Variants in KLHL14 observed in about 807,000 individuals in gnomAD.
KLHL14 encodes the protein kelch like family member 14.
Under a neutral mutation model 64.3 loss-of-function variants are expected in KLHL14, and 22 were observed. The ratio of observed to expected loss-of-function variants is 0.34; its 90% confidence interval spans 0.24 to 0.49. The LOEUF (loss-of-function observed/expected upper bound fraction) is 0.49, where lower values mean the gene tolerates loss of function less well. Among genes scored for constraint, KLHL14 ranks in the 20% least tolerant of loss-of-function variants. The pLI, the probability that KLHL14 is intolerant of heterozygous loss-of-function variation, is 0.99. For missense variants in KLHL14, 661 were observed against 789.0 expected, an observed-to-expected ratio of 0.84 and a Z score of 1.94; for synonymous variants, 322 against 333.4, an observed-to-expected ratio of 0.97 and a Z score of 0.37.
At chr18:32,705,587 G>A (rs2049986261) in intron 3 of KLHL14, among the ~76,000 whole-genome samples, 1 of 152,152 alleles carries the variant, frequency 6.6e-6, no homozygotes, top group African/African-American at 2.4e-5. Flanking sequence ...GCTGGATGTG[G>A]TGGCTCATGC....
intron 3 of KLHL14, among the ~76,000 whole-genome samples, chr18:32,715,209 A>AGAT (rs544856581): frequency 6.6e-6 from 1 of 152,172 alleles, no homozygotes; most frequent in Non-Finnish European, 1.5e-5. Context: ...GACATAGCAG[A>AGAT]GATGTAATGA....
chr18:32,683,092 A>G lies in KLHL14; in HGVS notation c.1239-2493T>C, dbSNP rs963388827. On this transcript the variant is annotated intron_variant, in intron 5 of 8. Transcript: ENST00000359358. This position sits in a 1 kb window ranked among gnomAD's most constrained non-coding sequence, Gnocchi z 4.2. The stretch of plus-strand genomic sequence containing the variant: ...TAAGAGGAAGATCTCCCTTTGGTGA[A>G]CTCATTTTCTTGTCTAAAATTCAGT... Among the ~76,000 whole-genome samples, 3 of 151,954 alleles carry G rather than the reference A, an allele frequency of 2.0e-5. No homozygotes were observed.
intron 3 of KLHL14, among the ~76,000 whole-genome samples, chr18:32,713,190 C>T (rs1476587455): frequency 6.6e-6 from 1 of 152,148 alleles, no homozygotes; most frequent in Non-Finnish European, 1.5e-5. Flanking sequence ...ATCTACTGTC[C>T]TCCTCCTTAC....
At chr18:32,692,711 T>C (rs1295011665) in intron 4 of KLHL14, among the ~76,000 whole-genome samples, 1 of 152,200 alleles carries the variant, frequency 6.6e-6, no homozygotes, top group Non-Finnish European at 1.5e-5. Context: ...AAACACAGTG[T>C]ATTACAGTGG....
chr18:32,704,964 T>C (rs192399980), intron 3 of KLHL14, among the ~76,000 whole-genome samples: 2 of 152,214 alleles, frequency 1.3e-5, no homozygotes, highest in Admixed American at 1.3e-4. Flanking sequence ...TGACTAAAAC[T>C]TCAGTGAGAA....
At chr18:32,719,101 A>G (rs1406912014) in intron 3 of KLHL14, among the ~76,000 whole-genome samples, 1 of 152,192 alleles carries the variant, frequency 6.6e-6, no homozygotes, top group Non-Finnish European at 1.5e-5. Flanking sequence ...GGCATGTGCC[A>G]CCACACCTGG....
chr18:32,763,541 T>A (rs1419185393), intron 2 of KLHL14, among the ~76,000 whole-genome samples: 1 of 152,152 alleles, frequency 6.6e-6, no homozygotes, highest in Non-Finnish European at 1.5e-5. Flanking sequence ...CTTCTCTGAG[T>A]CCCAGTTTTC....
chr18:32,700,371 T>C (rs577051980), intron 3 of KLHL14, among the ~76,000 whole-genome samples: 2 of 152,070 alleles, frequency 1.3e-5, no homozygotes, highest in Non-Finnish European at 2.9e-5. Context: ...ATGGTAAAAA[T>C]ACAATCTTAA....
chr18:32,720,146 T>G (rs12456916), intron 3 of KLHL14, among the ~76,000 whole-genome samples: 38,583 of 152,050 alleles, frequency 0.25, 5,016 homozygotes, highest in Middle Eastern at 0.32. Flanking sequence ...TAGCAAAAAC[T>G]GGAGGAAGAT....
Position 32,769,762 on chromosome 18 carries a change from C to T in KLHL14, c.830G>A (p.Arg277Gln), listed in dbSNP as rs1299060209. The T allele has an allele frequency of 3.1e-6, 5 of 1,608,286 alleles. No homozygotes were observed. The highest frequency in any genetic ancestry group is 4.3e-6 in the Non-Finnish European group (5 of 1,176,420). ...ALIPAPELVE[R>Q]VQSVDFMRTD... Reference sequence around the variant, plus strand: ...TCGCATGAAATCCACTGACTGGACCCGCTCCACCAGCTCCGGGGCCGGGAT... The same window carrying T: ...TCGCATGAAATCCACTGACTGGACCTGCTCCACCAGCTCCGGGGCCGGGAT... The change falls in exon 2 of 9, where the codon CGG becomes CAG. Residue 277 changes from arginine (R) to glutamine (Q), a missense_variant. This residue lies in a region of KLHL14 where 330 missense variants were observed against 450.0 expected (regional missense o/e 0.73). Coordinates refer to ENST00000359358, the MANE Select transcript of KLHL14 (RefSeq NM_020805.3).
At chr18:32,746,807 C>T (rs1363678451) in intron 2 of KLHL14, among the ~76,000 whole-genome samples, 3 of 152,068 alleles carry the variant, frequency 2.0e-5, no homozygotes, top group Non-Finnish European at 4.4e-5. Context: ...AATCTAGTTC[C>T]GTAATTCCCA....
chr18:32,716,445 G>A (rs912309272), intron 3 of KLHL14, among the ~76,000 whole-genome samples: 8 of 148,806 alleles, frequency 5.4e-5, no homozygotes, highest in South Asian at 4.2e-4. Context: ...GTGGAATTTC[G>A]CTCTTGTCGC....
chr18:32,698,754 A>G (rs1458364573), intron 3 of KLHL14, among the ~76,000 whole-genome samples: 1 of 152,176 alleles, frequency 6.6e-6, no homozygotes, highest in African/African-American at 2.4e-5. Flanking sequence ...AGAAAATTGG[A>G]GAAGAAAAAA....
intron 7 of KLHL14, among the ~76,000 whole-genome samples, chr18:32,678,472 C>A (rs533948525): frequency 3.1e-4 from 47 of 152,270 alleles, no homozygotes; most frequent in African/African-American, 1.1e-3. Flanking sequence ...AACAACAGAA[C>A]AATGTACTCA....
rs575643109 is a variant in KLHL14 at position 32,674,484 on chromosome 18, A to G, written c.*173T>C. 6.5e-5 allele frequency: 37 copies of G among 566,966 alleles called. No homozygotes were observed. The highest frequency in any genetic ancestry group is 9.8e-4 in the Middle Eastern group (2 of 2,040). 35.1% of individuals were successfully genotyped at this position (566,966 alleles called of 1,614,324 possible). A position where few individuals can be genotyped will look rare whatever the true frequency, so the allele number is the denominator to read the frequency against. On this transcript the variant is annotated 3_prime_UTR_variant, in exon 9 of 9. Coordinates refer to ENST00000359358, the MANE Select transcript of KLHL14 (RefSeq NM_020805.3). ...TTGGTGCGATCTGAGTTATAGACAT[A>G]GTATCTGTTCAAGAACAGGTCTCTT...
chr18:32,764,951 A>T (rs1325882340), intron 2 of KLHL14, among the ~76,000 whole-genome samples: 1 of 152,180 alleles, frequency 6.6e-6, no homozygotes. Context: ...GAAAAGTCTT[A>T]AGTCTACATA....
At chr18:32,689,370 G>T (rs73955257) in intron 4 of KLHL14, among the ~76,000 whole-genome samples, 10 of 152,140 alleles carry the variant, frequency 6.6e-5, no homozygotes, top group Admixed American at 4.6e-4. Context: ...TCAGAGATAG[G>T]GGGGAAAGGT....
intron 2 of KLHL14, among the ~76,000 whole-genome samples, chr18:32,767,443 A>G (rs1435322424): frequency 6.6e-6 from 1 of 152,238 alleles, no homozygotes; most frequent in South Asian, 2.1e-4. Context: ...TTGCTTTTCT[A>G]TATCTTTCTC....
At chr18:32,693,896 C>T (rs796254097) in intron 4 of KLHL14, among the ~76,000 whole-genome samples, 8 of 152,288 alleles carry the variant, frequency 5.3e-5, no homozygotes, top group Admixed American at 1.3e-4. Context: ...TCAACTCTCC[C>T]GTGTTCCCCC....
Sources: allele counts gnomAD v4.1 joint callset (sites outside exome capture counted in the v4.1 genomes callset), GRCh38; gene constraint gnomAD v4.1.1; regional missense constraint gnomAD v4.1.1; non-coding constraint Gnocchi (gnomAD v3.1); transcripts MANE v1.5; gene names NCBI Gene and HGNC (gene_info 2026-07-23, HGNC 2026-07-21).